Variants in RYK observed in about 807,000 individuals in gnomAD.
The protein encoded by RYK is inactive tyrosine-protein kinase RYK.
In RYK, 21 loss-of-function variants were observed where a neutral mutation model predicts 70.2. The observed-to-expected ratio is 0.30, with a 90% CI of 0.21 to 0.43. RYK has a LOEUF of 0.43. Among genes scored for constraint, RYK ranks in the 20% least tolerant of loss-of-function variants. RYK has a pLI of 1.00. For synonymous variants in RYK, 267 were observed against 278.0 expected (o/e 0.96, Z 0.39); for missense variants, 604 against 753.3 (o/e 0.80, Z 2.32).
At chr3:134,162,233 C>A (rs562092632) in intron 13 of RYK, among the ~76,000 whole-genome samples, 3 of 140,872 alleles carry the variant, frequency 2.1e-5, no homozygotes, top group African/African-American at 7.8e-5. Context: ...GGGCTTCAAC[C>A]ATTTTTTTTT....
chr3:134,222,517 A>G lies in RYK; in HGVS notation c.255T>C (p.Tyr85=). The change falls in exon 2 of 15, where the codon TAT becomes TAC. Residue 85 remains tyrosine, a synonymous_variant. Coordinates refer to ENST00000623711, the MANE Select transcript of RYK (RefSeq NM_002958.4). ...AGTGACTAATAAGGTCATTTCTCACATAATAAAGTTCTGCATCAAGACCTA... is the reference window on the plus strand; with the variant it reads ...AGTGACTAATAAGGTCATTTCTCACGTAATAAAGTTCTGCATCAAGACCTA... The part of the protein sequence containing the change: ...RLIGLDAELY[Y]VRNDLISHYA... The G allele has an allele frequency of 1.2e-6, 2 of 1,611,688 alleles. No individual in the cohort carries two copies. Among genetic ancestry groups the G allele is most frequent in the South Asian group, 2.2e-5 (2 of 90,814 alleles).
Position 134,188,939 on chromosome 3 carries a change from A to G in RYK, c.1016-16T>C. On this transcript the variant is annotated splice_polypyrimidine_tract_variant and intron_variant, in intron 8 of 14. Transcript: ENST00000623711. The stretch of plus-strand genomic sequence containing the variant: ...CCAAAAGTACCTAAAAGGAAAAGTA[A>G]TAATTAATGAGATCATACAACATTC... 1 of 1,363,928 alleles carries G rather than the reference A, an allele frequency of 7.3e-7. No individual in the cohort carries two copies. The highest frequency in any genetic ancestry group is 1.9e-5 in the Admixed American group (1 of 52,270). The allele number at this position is 1,363,928 out of a possible 1,614,324, so 84.5% of individuals were successfully genotyped here. A position where few individuals can be genotyped will look rare whatever the true frequency, so the allele number is the denominator to read the frequency against.
At position 134,176,340 on chromosome 3, in the gene RYK, G is replaced by C. The variant is rs145676754; in HGVS notation, c.1306-301C>G. On this transcript the variant is annotated intron_variant, in intron 11 of 14. Coordinates refer to ENST00000623711, the MANE Select transcript of RYK (RefSeq NM_002958.4). ...TCAATACATCTGTTCAGTGAATGCTGAGTTCTCAAGGTAATATTTCAAATG... is the reference window on the plus strand; with the variant it reads ...TCAATACATCTGTTCAGTGAATGCTCAGTTCTCAAGGTAATATTTCAAATG... Among the ~76,000 whole-genome samples, 565 of 152,300 alleles carry C rather than the reference G, an allele frequency of 3.7e-3. 15 individuals carry two copies. The highest frequency in any genetic ancestry group is 0.035 in the Admixed American group (528 of 15,300).
intron 1 of RYK, among the ~76,000 whole-genome samples, chr3:134,247,490 G>A (rs544012015): frequency 3.3e-5 from 5 of 152,258 alleles, no homozygotes; most frequent in African/African-American, 1.2e-4. Flanking sequence ...ATCACCTGAG[G>A]TTGGGGGTTT....
intron 3 of RYK, 63 bp from the exon 4 acceptor site, chr3:134,209,892 A>C: frequency 2.6e-6 from 3 of 1,143,996 alleles, no homozygotes; most frequent in South Asian, 1.7e-5. Flanking sequence ...ATGCCCCAAA[A>C]TGATTCTTTT....
intron 1 of RYK, among the ~76,000 whole-genome samples, chr3:134,236,812 G>A (rs2015209545): frequency 6.6e-6 from 1 of 152,098 alleles, no homozygotes; most frequent in Non-Finnish European, 1.5e-5. Context: ...AAGAGACAAG[G>A]GGGCTGTGCT....
At chr3:134,185,562 T>C (rs1259202300) in intron 9 of RYK, among the ~76,000 whole-genome samples, 7 of 152,232 alleles carry the variant, frequency 4.6e-5, no homozygotes, top group Non-Finnish European at 1.0e-4. Flanking sequence ...CAATGTCTGC[T>C]GGAATAAACT....
At chr3:134,176,487 C>G (rs1281059352) in intron 11 of RYK, among the ~76,000 whole-genome samples, 1 of 152,152 alleles carries the variant, frequency 6.6e-6, no homozygotes, top group Non-Finnish European at 1.5e-5. Flanking sequence ...GCCTATAATC[C>G]CAGCACTTGG....
chr3:134,239,778 T>C (rs2015276813), intron 1 of RYK, among the ~76,000 whole-genome samples: 1 of 152,174 alleles, frequency 6.6e-6, no homozygotes, highest in Non-Finnish European at 1.5e-5. Context: ...CTAAAGGAGA[T>C]GGAAACAACC....
Position 134,250,526 on chromosome 3 carries a change from G to T in RYK, c.129C>A (p.Gly43=). 1.7e-6 allele frequency: 2 copies of T among 1,206,352 alleles called. No individual in the cohort carries two copies. Among genetic ancestry groups the T allele is most frequent in the East Asian group, 3.4e-5 (1 of 29,850 alleles). The allele number at this position is 1,206,352 out of a possible 1,614,324, so 74.7% of individuals were successfully genotyped here. Residue 43 remains glycine (G), a synonymous_variant, in exon 1 of 15, where the codon GGC becomes GGA. Transcript: ENST00000623711. Reference sequence around the variant, plus strand: ...GCCGCGGGGCGGGGGCGGCGGCAGCGCCAGGCGCGGGCAGCAGCGGCAACA... The same window carrying T: ...GCCGCGGGGCGGGGGCGGCGGCAGCTCCAGGCGCGGGCAGCAGCGGCAACA... ...LALLPLLPAP[G]AAAAPAPRPP...
chr3:134,243,097 G>A (rs758827031), intron 1 of RYK, among the ~76,000 whole-genome samples: 9 of 152,170 alleles, frequency 5.9e-5, no homozygotes, highest in Non-Finnish European at 1.0e-4. Context: ...CATGGGCTCT[G>A]AGATTTAGGA....
intron 8 of RYK, among the ~76,000 whole-genome samples, chr3:134,189,588 G>A (rs768209604): frequency 6.6e-6 from 1 of 151,514 alleles, no homozygotes; most frequent in Non-Finnish European, 1.5e-5. Context: ...GTGAAACCCC[G>A]TCTCTACTAA....
chr3:134,221,011 G>A (rs894214956), intron 2 of RYK, among the ~76,000 whole-genome samples: 2 of 152,006 alleles, frequency 1.3e-5, no homozygotes, highest in African/African-American at 4.8e-5. Context: ...TAAAGAGAAT[G>A]AGTGAGAGAA....
chr3:134,195,952 A>G (rs1391650071), intron 6 of RYK, among the ~76,000 whole-genome samples: 1 of 152,200 alleles, frequency 6.6e-6, no homozygotes, highest in East Asian at 1.9e-4. Flanking sequence ...TCTCAAAAAA[A>G]AAAAAAGTAT....
chr3:134,217,710 A>T (rs2107682928), intron 2 of RYK, among the ~76,000 whole-genome samples: 1 of 152,348 alleles, frequency 6.6e-6, no homozygotes, highest in Admixed American at 6.5e-5. Context: ...AGGAAAGACA[A>T]TAATCAGGCA....
At chr3:134,230,485 C>T (rs1311061847) in intron 1 of RYK, among the ~76,000 whole-genome samples, 1 of 152,162 alleles carries the variant, frequency 6.6e-6, no homozygotes, top group Non-Finnish European at 1.5e-5. Context: ...AAATGGAATG[C>T]TAATCAGCAA....
intron 1 of RYK, among the ~76,000 whole-genome samples, chr3:134,243,886 CTACAAAA>C (rs1440354550): frequency 4.6e-5 from 7 of 152,124 alleles, no homozygotes; most frequent in Non-Finnish European, 1.0e-4. Context: ...CAAGTCTCCC[CTACAAAA>C]TTCTGAGATC....
intron 13 of RYK, among the ~76,000 whole-genome samples, chr3:134,166,092 G>A (rs2012655488): frequency 6.6e-6 from 1 of 152,200 alleles, no homozygotes; most frequent in Non-Finnish European, 1.5e-5. Context: ...AGAATGTGGT[G>A]GACTGAATGT....
At chr3:134,231,808 C>A (rs2015064765) in intron 1 of RYK, among the ~76,000 whole-genome samples, 1 of 152,102 alleles carries the variant, frequency 6.6e-6, no homozygotes, top group Non-Finnish European at 1.5e-5. Flanking sequence ...TACAATCATG[C>A]CATCAAACTA....
Sources: gnomAD v4.1 joint callset for allele counts (sites outside exome capture counted in the v4.1 genomes callset) on GRCh38, gnomAD v4.1.1 for gene constraint, MANE v1.5 for transcripts, NCBI Gene and HGNC (gene_info 2026-07-23, HGNC 2026-07-21) for gene names.